FNIP1: variants seen among roughly 807,000 people sequenced by gnomAD.
FNIP1 encodes the protein folliculin-interacting protein 1.
FNIP1 carries 40 observed loss-of-function variants against 124.5 expected under a neutral mutation model. The observed-to-expected ratio is 0.32, with a 90% CI of 0.25 to 0.42. The LOEUF is 0.42. FNIP1 is among the 10% of genes least tolerant of loss of function. The pLI is 1.00. For synonymous variants in FNIP1, 472 were observed against 470.6 expected, an observed-to-expected ratio of 1.00 and a Z score of -0.04; for missense variants, 1,176 against 1,403.7, an observed-to-expected ratio of 0.84 and a Z score of 2.59.
intron 1 of FNIP1, among the ~76,000 whole-genome samples, chr5:131,776,144 T>C (rs185127568): frequency 3.2e-4 from 48 of 152,354 alleles, no homozygotes; most frequent in Middle Eastern, 6.8e-3. Context: ...GGTAAATTTG[T>C]AGAACTGCAC....
intron 1 of FNIP1, among the ~76,000 whole-genome samples, chr5:131,761,429 T>C (rs1771228029): frequency 6.6e-6 from 1 of 152,122 alleles, no homozygotes; most frequent in Non-Finnish European, 1.5e-5. Flanking sequence ...AGTTGCAGGA[T>C]AAAAAGTCAA....
At chr5:131,728,553 A>G (rs1170052175) in intron 3 of FNIP1, among the ~76,000 whole-genome samples, 1 of 151,972 alleles carries the variant, frequency 6.6e-6, no homozygotes, top group Admixed American at 6.6e-5. Context: ...TCTTCTCTAA[A>G]CTGTTTATTC....
intron 1 of FNIP1, among the ~76,000 whole-genome samples, chr5:131,767,344 G>A (rs749319894): frequency 7.6e-5 from 11 of 144,088 alleles, no homozygotes; most frequent in South Asian, 2.2e-4. Context: ...CGGGAGAATC[G>A]CTTGAACCTG....
At chr5:131,664,634 C>CAAAAAA (rs33956526) in intron 15 of FNIP1, among the ~76,000 whole-genome samples, 5 of 77,418 alleles carry the variant, frequency 6.5e-5, no homozygotes, top group East Asian at 4.0e-4. Context: ...GACCCTGTCT[C>CAAAAAA]AAAAAAAAAA....
chr5:131,715,568 TAAAGA>T (rs1470858482), intron 6 of FNIP1, among the ~76,000 whole-genome samples: 1 of 152,174 alleles, frequency 6.6e-6, no homozygotes, highest in African/African-American at 2.4e-5. Flanking sequence ...TATCAAATTA[TAAAGA>T]AAAGAGATTT....
chr5:131,746,804 G>A (rs1166550296), intron 1 of FNIP1, among the ~76,000 whole-genome samples: 3 of 152,130 alleles, frequency 2.0e-5, no homozygotes, highest in Non-Finnish European at 4.4e-5. Flanking sequence ...TAATGTGATC[G>A]CTGAGTCAAA....
Position 131,719,363 on chromosome 5 carries a change from C to T in FNIP1, c.409G>A (p.Val137Ile). 4 of 1,613,690 alleles carry T rather than the reference C, an allele frequency of 2.5e-6. No individual in the cohort carries two copies. The highest frequency in any genetic ancestry group is 3.4e-6 in the Non-Finnish European group (4 of 1,179,864). The change falls in exon 4 of 18, where the codon GTA becomes ATA. Residue 137 changes from valine (V) to isoleucine (I), a missense_variant. Coordinates refer to ENST00000510461, the MANE Select transcript of FNIP1 (RefSeq NM_133372.3). ...GTGGATCCTTTGTAGCTCATTGCTA[C>T]TGAGCCAAACATCATCTCTCCAAGC... Reference protein sequence around the residue: ...NMLGEMMFGSVAMSYKGSTLK... With the variant: ...NMLGEMMFGSIAMSYKGSTLK...
intron 1 of FNIP1, among the ~76,000 whole-genome samples, chr5:131,756,041 A>G (rs1292475143): frequency 2.6e-5 from 4 of 152,170 alleles, no homozygotes; most frequent in East Asian, 3.9e-4. Context: ...GAAGATGAAA[A>G]GAAAGGAATC....
At chr5:131,748,981 G>C (rs1322972426) in intron 1 of FNIP1, among the ~76,000 whole-genome samples, 1 of 152,068 alleles carries the variant, frequency 6.6e-6, no homozygotes, top group Non-Finnish European at 1.5e-5. Context: ...CGTTAATGGT[G>C]TGTTTGTGTC....
chr5:131,670,682 A>T, intron 14 of FNIP1, 51 bp from the exon 15 acceptor site: 4 of 1,336,604 alleles, frequency 3.0e-6, no homozygotes, highest in Non-Finnish European at 3.0e-6. Flanking sequence ...AAATATATTT[A>T]ACCAGTAAAA....
chr5:131,658,436 T>G (rs1006522628), intron 15 of FNIP1, among the ~76,000 whole-genome samples: 5 of 150,606 alleles, frequency 3.3e-5, no homozygotes, highest in African/African-American at 4.9e-5. Flanking sequence ...CAGCTTTTTG[T>G]TTTTTTTTAA....
At chr5:131,774,798 T>C (rs896169196) in intron 1 of FNIP1, among the ~76,000 whole-genome samples, 7 of 152,198 alleles carry the variant, frequency 4.6e-5, no homozygotes, top group African/African-American at 1.4e-4. Flanking sequence ...AACACAGTCA[T>C]GGAATTTGAA....
In FNIP1 at chr5:131,692,040, A is replaced by G. The variant is rs75144178; in HGVS notation, c.1202+6877T>C. On this transcript the variant is annotated intron_variant, in intron 11 of 17. Coordinates refer to ENST00000510461, the MANE Select transcript of FNIP1 (RefSeq NM_133372.3). ...TGTAAGAAAGACACAAAGATACAAA[A>G]AAGAGGGAAGGAAGGAAAGAAGGAA... is the stretch of plus-strand genomic sequence containing the variant. Among the ~76,000 whole-genome samples, 325 of 152,322 alleles carry G rather than the reference A, an allele frequency of 2.1e-3. 5 individuals carry two copies. In the East Asian group the frequency reaches 0.054, roughly 26 times the overall value.
At chr5:131,780,106 C>T (rs150048057) in intron 1 of FNIP1, among the ~76,000 whole-genome samples, 24 of 152,134 alleles carry the variant, frequency 1.6e-4, no homozygotes, top group Middle Eastern at 3.4e-3. Flanking sequence ...GCAAGGGACA[C>T]TGACACATTC....
chr5:131,696,834 A>C (rs1768710730), intron 11 of FNIP1, among the ~76,000 whole-genome samples: 1 of 152,100 alleles, frequency 6.6e-6, no homozygotes, highest in Admixed American at 6.6e-5. Flanking sequence ...GAACAGTAAG[A>C]TATATTTAAC....
rs149905016 is a variant in FNIP1 at position 131,758,082 on chromosome 5, G to A, written c.93-13392C>T. On this transcript the variant is annotated intron_variant, in intron 1 of 17. Coordinates refer to ENST00000510461, the MANE Select transcript of FNIP1 (RefSeq NM_133372.3). Reference sequence around the variant, plus strand: ...AAATCTATAGACACATGAAATTAACGAAATAAACTTATTACCTAAAAGTTG... The same window carrying A: ...AAATCTATAGACACATGAAATTAACAAAATAAACTTATTACCTAAAAGTTG... Among the ~76,000 whole-genome samples, 472 of 152,202 alleles carry A rather than the reference G, an allele frequency of 3.1e-3. 1 individual carries two copies. Among genetic ancestry groups the A allele is most frequent in the African/African-American group, 0.011 (451 of 41,528 alleles).
chr5:131,738,908 C>T (rs528961784), intron 2 of FNIP1, among the ~76,000 whole-genome samples: 2 of 151,552 alleles, frequency 1.3e-5, no homozygotes, highest in South Asian at 4.2e-4. Flanking sequence ...CCTCCACTTC[C>T]TGGGCTCAAG....
intron 16 of FNIP1, among the ~76,000 whole-genome samples, chr5:131,648,173 T>TAAAAAAA (rs577945348): frequency 3.5e-5 from 4 of 113,318 alleles, no homozygotes; most frequent in East Asian, 2.5e-4. Flanking sequence ...CTACAAAAAT[T>TAAAAAAA]AAAAAAAAAA....
rs1767794649 is a variant in FNIP1, at chr5:131,672,571, T to G, written c.1873A>C (p.Ile625Leu). Residue 625 changes from isoleucine (I) to leucine (L), a missense_variant, in exon 14 of 18, where the codon ATT (isoleucine) becomes CTT (leucine). Physicochemically the swap from Ile to Leu is conservative, Grantham distance 5. Coordinates refer to ENST00000510461, the MANE Select transcript of FNIP1 (RefSeq NM_133372.3). Reference sequence around the variant, plus strand: ...ATATCTTCTCTCTCTTGTTGTGAAATGTTCTCTACATTTTGCCCAAGGAGT... The same window carrying G: ...ATATCTTCTCTCTCTTGTTGTGAAAGGTTCTCTACATTTTGCCCAAGGAGT... ...HPLLGQNVEN[I>L]SQQEREDIQN... The G allele has an allele frequency of 6.2e-7, 1 of 1,614,136 alleles. No homozygotes were observed. Among genetic ancestry groups the G allele is most frequent in the East Asian group, 2.2e-5 (1 of 44,884 alleles).
Sources: allele counts gnomAD v4.1 joint callset (sites outside exome capture counted in the v4.1 genomes callset), GRCh38; gene constraint gnomAD v4.1.1; transcripts MANE v1.5; gene names NCBI Gene and HGNC (gene_info 2026-07-23, HGNC 2026-07-21).